POU6F2: variants seen among roughly 807,000 people sequenced by gnomAD.
POU6F2 encodes POU domain, class 6, transcription factor 2.
A neutral mutation model predicts 71.3 loss-of-function variants in POU6F2; 31 were observed. The ratio of observed to expected loss-of-function variants is 0.43; its 90% CI spans 0.33 to 0.59. The LOEUF is 0.59. Among genes scored for constraint, POU6F2 ranks in the 20% least tolerant of loss-of-function variants. POU6F2 has a pLI of 0.04. For missense variants in POU6F2, 783 were observed against 856.8 expected (o/e 0.91, Z 1.07); for synonymous variants, 347 against 355.7 (o/e 0.98, Z 0.27).
intron 2 of POU6F2, among the ~76,000 whole-genome samples, chr7:39,189,049 C>T (rs2128742866): frequency 6.6e-6 from 1 of 152,298 alleles, no homozygotes; most frequent in South Asian, 2.1e-4. Context: ...TCAAAATGAA[C>T]CTTGTACTCT....
intron 5 of POU6F2, among the ~76,000 whole-genome samples, chr7:39,365,871 G>A (rs1786489772): frequency 6.6e-6 from 1 of 152,182 alleles, no homozygotes; most frequent in African/African-American, 2.4e-5. Flanking sequence ...GTGTCAGGGT[G>A]TGTCTACTTG....
rs1029966333 is a variant in POU6F2, at chr7:38,986,550, CAG to C, written c.105+8497_105+8498del. ...ATAGAATTTAAACAGCTAGTTCAGG[CAG>C]AGAGTGGAACATCTGAGTAAAAGTG... On this transcript the variant is annotated intron_variant, in intron 1 of 9. Coordinates refer to ENST00000518318, the MANE Select transcript of POU6F2 (RefSeq NM_001370959.1). 1.3e-4 allele frequency among the ~76,000 whole-genome samples: 20 copies of C among 152,190 alleles called. 1 individual carries two copies. The highest frequency in any genetic ancestry group is 1.1e-3 in the Admixed American group (17 of 15,280).
intron 2 of POU6F2, among the ~76,000 whole-genome samples, chr7:39,088,067 A>G (rs1362193801): frequency 6.6e-6 from 1 of 152,214 alleles, no homozygotes; most frequent in Non-Finnish European, 1.5e-5. Flanking sequence ...TTTGTGTGAG[A>G]GAACACAGCA....
chr7:39,336,476 C>A (rs1202075265), intron 4 of POU6F2, among the ~76,000 whole-genome samples: 1 of 152,174 alleles, frequency 6.6e-6, no homozygotes. Flanking sequence ...GGTGTTCTTT[C>A]TCTCCTTAGG....
intron 2 of POU6F2, among the ~76,000 whole-genome samples, chr7:39,089,005 G>A (rs1159920038): frequency 6.6e-6 from 1 of 152,152 alleles, no homozygotes; most frequent in African/African-American, 2.4e-5. Flanking sequence ...CATCCAAAGG[G>A]AAACATACTG....
rs570811696 is a variant in POU6F2 at position 39,460,811 on chromosome 7, A to T, written c.1658+96A>T. 1 of 1,336,046 alleles carries T rather than the reference A, an allele frequency of 7.5e-7. No individual in the cohort carries two copies. The highest frequency in any genetic ancestry group is 2.6e-5 in the East Asian group (1 of 38,030). 82.8% of individuals were successfully genotyped at this position (1,336,046 alleles called of 1,614,324 possible). A position where few individuals can be genotyped will look rare whatever the true frequency, so the allele number is the denominator to read the frequency against. The stretch of plus-strand genomic sequence containing the variant: ...TTCTTCGTCGGGTGGGCAAAGCTGG[A>T]GGGGCAGAGAGTGGGAACAAAGTTT... On this transcript the variant is annotated intron_variant, in intron 9 of 9. Coordinates refer to ENST00000518318, the MANE Select transcript of POU6F2 (RefSeq NM_001370959.1). This position sits in a 1 kb window ranked among gnomAD's most constrained non-coding sequence, Gnocchi z 4.4.
chr7:39,464,127 C>G lies in POU6F2; in HGVS notation c.1659-55C>G. ...GCAGTCAGGCAGGCAGGCAGGAGGC[C>G]CACCCTGGCAGAGGACTCAGTGTAA... is the stretch of plus-strand genomic sequence containing the variant. On this transcript the variant is annotated intron_variant, in intron 9 of 9. Transcript: ENST00000518318. The surrounding 1 kb of genome is among the most constrained non-coding windows in gnomAD (Gnocchi z 4.1). 6.4e-7 allele frequency: 1 copy of G among 1,558,710 alleles called. No individual in the cohort carries two copies. Among genetic ancestry groups the G allele is most frequent in the Non-Finnish European group, 8.7e-7 (1 of 1,149,540 alleles).
At chr7:39,328,902 A>G (rs1260944583) in intron 4 of POU6F2, 1 of 152,180 alleles carries the variant, frequency 6.6e-6, no homozygotes, top group Admixed American at 6.5e-5. Context: ...GTCTTTCTGT[A>G]CTTCCCGTAA....
chr7:39,457,978 T>G (rs1788843156), intron 8 of POU6F2, among the ~76,000 whole-genome samples: 1 of 152,044 alleles, frequency 6.6e-6, no homozygotes, highest in South Asian at 2.1e-4. Context: ...TTTTTAGGTG[T>G]TTTGTTTTTA....
intron 1 of POU6F2, among the ~76,000 whole-genome samples, chr7:39,065,764 A>G (rs779737968): frequency 6.6e-6 from 1 of 151,722 alleles, no homozygotes; most frequent in East Asian, 1.9e-4. Context: ...GGGTACTACT[A>G]TAGTAAAATT....
intron 4 of POU6F2, among the ~76,000 whole-genome samples, chr7:39,322,182 C>T (rs527891010): frequency 6.6e-6 from 1 of 152,290 alleles, no homozygotes; most frequent in African/African-American, 2.4e-5. Flanking sequence ...CCTGGTTCCC[C>T]TTAGGGACAG....
intron 2 of POU6F2, among the ~76,000 whole-genome samples, chr7:39,149,273 GAGGTTCAGTCTATATCC>G (rs1792691395): frequency 6.6e-6 from 1 of 152,204 alleles, no homozygotes. Flanking sequence ...AGCTTATGCA[GAGGTTCAGTCTATATCC>G]AGCCATGTAC....
chr7:39,257,656 G>A (rs1784051362), intron 4 of POU6F2, among the ~76,000 whole-genome samples: 1 of 152,004 alleles, frequency 6.6e-6, no homozygotes. Flanking sequence ...GAAGGCAAGA[G>A]AACTAGGCTT....
At chr7:39,335,875 T>C (rs1281260755) in intron 4 of POU6F2, among the ~76,000 whole-genome samples, 1 of 152,226 alleles carries the variant, frequency 6.6e-6, no homozygotes, top group Non-Finnish European at 1.5e-5. Flanking sequence ...CCCAACGCCC[T>C]GCCCTGCCAA....
intron 5 of POU6F2, among the ~76,000 whole-genome samples, chr7:39,365,174 G>C (rs920363674): frequency 2.6e-5 from 4 of 152,160 alleles, no homozygotes; most frequent in African/African-American, 9.7e-5. Context: ...CATGGTACTG[G>C]TATAAAAACA....
intron 4 of POU6F2, among the ~76,000 whole-genome samples, chr7:39,324,662 C>T (rs148368271): frequency 7.9e-4 from 121 of 152,276 alleles, no homozygotes; most frequent in African/African-American, 2.7e-3. Flanking sequence ...TACTATTTTA[C>T]TTCTCATAAG....
intron 4 of POU6F2, among the ~76,000 whole-genome samples, chr7:39,320,807 G>A (rs770593451): frequency 8.5e-5 from 13 of 152,172 alleles, no homozygotes; most frequent in Non-Finnish European, 1.6e-4. Flanking sequence ...GTAATCCCAG[G>A]ACTTTGGGAG....
chr7:39,322,441 AT>A (rs1785416706), intron 4 of POU6F2, among the ~76,000 whole-genome samples: 1 of 152,306 alleles, frequency 6.6e-6, no homozygotes, highest in East Asian at 1.9e-4. Context: ...ATTGAGTGGA[AT>A]TTGGGTCAGC....
At chr7:39,257,271 C>T (rs184143892) in intron 4 of POU6F2, among the ~76,000 whole-genome samples, 4 of 152,282 alleles carry the variant, frequency 2.6e-5, no homozygotes, top group African/African-American at 9.6e-5. Context: ...TGGGGAAATA[C>T]ATGCACTTGG....
Sources: allele counts gnomAD v4.1 joint callset (sites outside exome capture counted in the v4.1 genomes callset), GRCh38; gene constraint gnomAD v4.1.1; non-coding constraint Gnocchi (gnomAD v3.1); transcripts MANE v1.5; gene names NCBI Gene and HGNC (gene_info 2026-07-23, HGNC 2026-07-21).